Variants in CACNB1 observed in about 807,000 individuals in gnomAD.
The protein encoded by CACNB1 is voltage-dependent L-type calcium channel subunit beta-1.
Under a neutral mutation model 71.6 loss-of-function variants are expected in CACNB1, and 29 were observed. The ratio of observed to expected loss-of-function variants is 0.40; its 90% CI spans 0.30 to 0.55. CACNB1 has a LOEUF of 0.55. CACNB1 is among the 20% of genes least tolerant of loss of function. CACNB1 has a pLI of 0.38. For synonymous variants in CACNB1, 300 were observed against 319.6 expected (o/e 0.94, Z 0.65); for missense variants, 623 against 801.8 (o/e 0.78, Z 2.69).
At position 39,174,861 on chromosome 17, in the gene CACNB1, T is replaced by C. The variant is rs1597675271; in HGVS notation, c.*332A>G. The C allele has an allele frequency of 3.9e-6, 1 of 256,066 alleles. No individual in the cohort carries two copies. Among genetic ancestry groups the C allele is most frequent in the East Asian group, 8.6e-5 (1 of 11,616 alleles). The allele number at this position is 256,066 out of a possible 1,614,324, so 15.9% of individuals were successfully genotyped here. A position where few individuals can be genotyped will look rare whatever the true frequency, so the allele number is the denominator to read the frequency against. ...AGCCATCCCACTTAGGACCGTCACTTAGGGCCCCGAGTAGAAAGAGTTAAG... is the reference window on the plus strand; with the variant it reads ...AGCCATCCCACTTAGGACCGTCACTCAGGGCCCCGAGTAGAAAGAGTTAAG... On this transcript the variant is annotated 3_prime_UTR_variant, in exon 14 of 14. Transcript: ENST00000394303.
At position 39,174,001 on chromosome 17, in the gene CACNB1, C is replaced by T. The variant is rs1342345025; in HGVS notation, c.*1192G>A. 1 of 152,770 alleles carries T rather than the reference C, an allele frequency of 6.5e-6. No individual in the cohort carries two copies. The highest frequency in any genetic ancestry group is 1.5e-5 in the Non-Finnish European group (1 of 68,092). The allele number at this position is 152,770 out of a possible 1,614,324, so 9.5% of individuals were successfully genotyped here. A position where few individuals can be genotyped will look rare whatever the true frequency, so the allele number is the denominator to read the frequency against. On this transcript the variant is annotated 3_prime_UTR_variant, in exon 14 of 14. Transcript: ENST00000394303. ...GACATTGGCACAGGAGGTGGCGAGACAGGCATGAGGTGCCCATCCCTGAGG... is the reference window on the plus strand; with the variant it reads ...GACATTGGCACAGGAGGTGGCGAGATAGGCATGAGGTGCCCATCCCTGAGG...
In CACNB1 at chr17:39,177,515, C is replaced by A. The variant is rs1220574987; in HGVS notation, c.1167G>T (p.Leu389=). ...QCPPEMFDII[L]DENQLEDACE... ...AGGCATCCTCCAATTGGTTCTCATC[C>A]AGGATGATGTCAAACATTTCCTGTG... Residue 389 remains leucine (L), a synonymous_variant, in exon 13 of 14, where the codon CTG becomes CTT. Transcript: ENST00000394303. 1 of 1,597,920 alleles carries A rather than the reference C, an allele frequency of 6.3e-7. No homozygotes were observed. Among genetic ancestry groups the A allele is most frequent in the East Asian group, 2.2e-5 (1 of 44,606 alleles).
rs757345121 is a variant in CACNB1 at position 39,184,873 on chromosome 17, G to A, written c.649-9C>T. On this transcript the variant is annotated splice_polypyrimidine_tract_variant and intron_variant, in intron 7 of 13. Transcript: ENST00000394303. ...GGGGGCACATGCTCTGTCTGGGGGGGGAAGCAGGGAGGGGAAACCCCAGAG... is the reference window on the plus strand; with the variant it reads ...GGGGGCACATGCTCTGTCTGGGGGGAGAAGCAGGGAGGGGAAACCCCAGAG... 5.5e-6 allele frequency: 8 copies of A among 1,448,070 alleles called. No individual in the cohort carries two copies. The African/African-American group carries it at 5.6e-5, about 10-fold the overall frequency. 89.7% of individuals were successfully genotyped at this position (1,448,070 alleles called of 1,614,324 possible).
Position 39,177,398 on chromosome 17 carries a change from C to T in CACNB1, c.1284G>A (p.Met428Ile), listed in dbSNP as rs1318133564. 3 of 1,613,590 alleles carry T rather than the reference C, an allele frequency of 1.9e-6. No homozygotes were observed. The highest frequency in any genetic ancestry group is 1.7e-5 in the Admixed American group (1 of 59,938). Reference protein sequence around the residue: ...TPPNPLLNRTMATAALAASPA... With the variant: ...TPPNPLLNRTIATAALAASPA... ...GGCTGGCAGCCAGGGCTGCGGTAGC[C>T]ATGGTGCGGTTCAGCAGCGGATTGG... The change falls in exon 13 of 14, where the codon ATG (methionine) becomes ATA (isoleucine). Residue 428 changes from methionine (M) to isoleucine (I), a missense_variant. Coordinates refer to ENST00000394303, the MANE Select transcript of CACNB1 (RefSeq NM_000723.5).
chr17:39,186,433 G>T lies in CACNB1; in HGVS notation c.628+63C>A. The T allele has an allele frequency of 8.2e-7, 1 of 1,215,326 alleles. No homozygotes were observed. 75.3% of individuals were successfully genotyped at this position (1,215,326 alleles called of 1,614,324 possible). Reference sequence around the variant, plus strand: ...TACTGCAGGGAAAGGAGGATTCAGGGAGTGGGGAGACCACCCCACCCAGGA... The same window carrying T: ...TACTGCAGGGAAAGGAGGATTCAGGTAGTGGGGAGACCACCCCACCCAGGA... On this transcript the variant is annotated intron_variant, in intron 6 of 13. Transcript: ENST00000394303. This position sits in a 1 kb window ranked among gnomAD's most constrained non-coding sequence, Gnocchi z 4.1.
rs1202482554 is a variant in CACNB1 at position 39,194,274 on chromosome 17, C to T, written c.171+610G>A. Among the ~76,000 whole-genome samples, 2 of 152,100 alleles carry T rather than the reference C, an allele frequency of 1.3e-5. No homozygotes were observed. Among genetic ancestry groups the T allele is most frequent in the East Asian group, 1.9e-4 (1 of 5,196 alleles). ...CGCTTACTGACTGAGCACAGAAGAC[C>T]CCAGAAAGCTATTCTCAGTTACACC... On this transcript the variant is annotated intron_variant, in intron 2 of 13. Coordinates refer to ENST00000394303, the MANE Select transcript of CACNB1 (RefSeq NM_000723.5). The surrounding 1 kb of genome is among the most constrained non-coding windows in gnomAD (Gnocchi z 4.6).
intron 1 of CACNB1, 150 bp from the exon 2 acceptor site, chr17:39,195,120 C>T (rs913851448): frequency 5.1e-6 from 3 of 589,718 alleles, no homozygotes; most frequent in Admixed American, 3.2e-5. Flanking sequence ...GGTGGTACGA[C>T]CCAAGGGGAG....
At chr17:39,185,106 G>C in intron 7 of CACNB1, 25 bp downstream of exon 7, 1 of 1,611,314 alleles carries the variant, frequency 6.2e-7, no homozygotes, top group Non-Finnish European at 8.5e-7. Context: ...GTGGGGAGGA[G>C]GACACAGAAA....
chr17:39,181,383 C>T (rs2045757573), intron 11 of CACNB1, among the ~76,000 whole-genome samples: 3 of 152,146 alleles, frequency 2.0e-5, no homozygotes, highest in Non-Finnish European at 2.9e-5. Flanking sequence ...TGTGAGCCAC[C>T]GTGCCTGGCC....
chr17:39,195,049 C>T, intron 1 of CACNB1, 79 bp from the exon 2 acceptor site: 2 of 997,000 alleles, frequency 2.0e-6, no homozygotes, highest in Non-Finnish European at 3.1e-6. Flanking sequence ...CCCAGAGCTA[C>T]AGCCAAGCTT....
At chr17:39,191,678 T>C (rs997454397) in intron 2 of CACNB1, 85 bp from the exon 3 acceptor site, 119 of 1,443,636 alleles carry the variant, frequency 8.2e-5, no homozygotes, top group Admixed American at 1.2e-4. Flanking sequence ...CCACCCATCA[T>C]GGATGCCTCG....
intron 8 of CACNB1, 57 bp downstream of exon 8, chr17:39,184,727 G>A: frequency 5.0e-6 from 6 of 1,198,220 alleles, no homozygotes; most frequent in Non-Finnish European, 7.5e-6. Context: ...GATCTCTCTG[G>A]GGTCTGAAGA....
chr17:39,178,157 T>C, intron 11 of CACNB1, 78 bp from the exon 12 acceptor site: 2 of 1,074,764 alleles, frequency 1.9e-6, no homozygotes, highest in Non-Finnish European at 2.9e-6. Flanking sequence ...CGGGTCCTGG[T>C]TGGATCAGCA....
At position 39,175,706 on chromosome 17, in the gene CACNB1, GA is replaced by G; in HGVS notation, c.1333-50del. On this transcript the variant is annotated intron_variant, in intron 13 of 13. Transcript: ENST00000394303. The surrounding 1 kb of genome is among the most constrained non-coding windows in gnomAD (Gnocchi z 4.7). The stretch of plus-strand genomic sequence containing the variant: ...CACCATGCAGATCAGGCAGGGGTGA[GA>G]AAAACACAACAAAGCAAGGCAAGTT... 1 of 1,394,526 alleles carries G rather than the reference GA, an allele frequency of 7.2e-7. No individual in the cohort carries two copies. Among genetic ancestry groups the G allele is most frequent in the Non-Finnish European group, 9.8e-7 (1 of 1,023,614 alleles). The allele number at this position is 1,394,526 out of a possible 1,614,324, so 86.4% of individuals were successfully genotyped here.
chr17:39,189,271 G>T (rs1444471974), intron 3 of CACNB1, among the ~76,000 whole-genome samples: 1 of 151,786 alleles, frequency 6.6e-6, no homozygotes, highest in African/African-American at 2.4e-5. Context: ...GCTGAGGCAG[G>T]AGAATCACTT....
chr17:39,179,321 G>A (rs2045683102), intron 11 of CACNB1, among the ~76,000 whole-genome samples: 2 of 150,344 alleles, frequency 1.3e-5, no homozygotes, highest in Non-Finnish European at 3.0e-5. Context: ...GGGTGCAGTG[G>A]CTCATGCCTA....
In CACNB1 at chr17:39,175,522, T is replaced by A. The variant is rs201643031; in HGVS notation, c.1468A>T (p.Thr490Ser). ...PSSHPPGRAG[T>S]LRALSRQDTF... The stretch of plus-strand genomic sequence containing the variant: ...TCTTGGCGGGACAGTGCCCGTAGCG[T>A]GCCTGCCCGGCCTGGTGGGTGGCTG... Residue 490 changes from threonine (T) to serine (S), a missense_variant, in exon 14 of 14, where the codon ACG (threonine) becomes TCG (serine). Transcript: ENST00000394303. This position sits in a 1 kb window ranked among gnomAD's most constrained non-coding sequence, Gnocchi z 4.7. 6 of 1,613,770 alleles carry A rather than the reference T, an allele frequency of 3.7e-6. No individual in the cohort carries two copies. In the African/African-American group the frequency reaches 5.3e-5, roughly 14 times the overall value.
intron 2 of CACNB1, chr17:39,193,205 T>C: frequency 3.5e-6 from 1 of 284,154 alleles, no homozygotes; most frequent in Non-Finnish European, 7.0e-6. Context: ...CAGACGCACA[T>C]GTGCGGGCAG....
chr17:39,178,555 A>T (rs1290051661), intron 11 of CACNB1, among the ~76,000 whole-genome samples: 3 of 151,402 alleles, frequency 2.0e-5, no homozygotes, highest in African/African-American at 7.3e-5. Flanking sequence ...AATTTTTTTT[A>T]ATTTTTTTGT....
Sources: allele counts gnomAD v4.1 joint callset (sites outside exome capture counted in the v4.1 genomes callset), GRCh38; gene constraint gnomAD v4.1.1; non-coding constraint Gnocchi (gnomAD v3.1); transcripts MANE v1.5; gene names NCBI Gene and HGNC (gene_info 2026-07-23, HGNC 2026-07-21).